The following MYO3A variants were observed in gnomAD, a reference collection of about 807,000 sequenced individuals.
MYO3A encodes myosin IIIA.
A neutral mutation model predicts 192.7 loss-of-function variants in MYO3A; 180 were observed. The observed-to-expected ratio is 0.93, with a 90% confidence interval of 0.83 to 1.06. The LOEUF is 1.06. Ranked by LOEUF, MYO3A falls within the 50% of genes least tolerant of loss-of-function variation. The pLI is 0.00. For synonymous variants in MYO3A, 628 were observed against 645.3 expected, an observed-to-expected ratio of 0.97 and a Z score of 0.41; for missense variants, 1,896 against 1,905.0, an observed-to-expected ratio of 1.00 and a Z score of 0.09.
At chr10:26,097,442 T>C (rs1837112477) in intron 17 of MYO3A, among the ~76,000 whole-genome samples, 1 of 152,152 alleles carries the variant, frequency 6.6e-6, no homozygotes, top group Non-Finnish European at 1.5e-5. Flanking sequence ...AATGTGCAGG[T>C]TTGTTACATA....
intron 17 of MYO3A, among the ~76,000 whole-genome samples, chr10:26,098,487 A>G (rs1159040438): frequency 1.3e-5 from 2 of 152,210 alleles, no homozygotes; most frequent in African/African-American, 4.8e-5. Flanking sequence ...GTCCTTGCCC[A>G]TGCCTATGTC....
chr10:26,159,365 T>C (rs1342559912), intron 26 of MYO3A, among the ~76,000 whole-genome samples: 4 of 49,282 alleles, frequency 8.1e-5, no homozygotes, highest in Non-Finnish European at 1.9e-4. Context: ...TTCTTTTTCT[T>C]TTTTTTTTTT....
At chr10:26,129,971 A>G (rs1277715985) in intron 20 of MYO3A, among the ~76,000 whole-genome samples, 1 of 152,160 alleles carries the variant, frequency 6.6e-6, no homozygotes, top group Admixed American at 6.5e-5. Context: ...TGCTCATGTG[A>G]TGAATTAGTG....
At chr10:26,179,324 A>G (rs1175618968) in intron 31 of MYO3A, among the ~76,000 whole-genome samples, 1 of 150,614 alleles carries the variant, frequency 6.6e-6, no homozygotes. Context: ...GCTGACCTCA[A>G]ACTCCTGACG....
At chr10:26,075,072 G>A (rs1188212186) in intron 14 of MYO3A, among the ~76,000 whole-genome samples, 1 of 151,900 alleles carries the variant, frequency 6.6e-6, no homozygotes, top group African/African-American at 2.4e-5. Flanking sequence ...TTATTTGAGG[G>A]CTTTCATTTC....
intron 20 of MYO3A, among the ~76,000 whole-genome samples, chr10:26,131,164 G>C (rs915816390): frequency 8.5e-5 from 13 of 152,150 alleles, no homozygotes; most frequent in African/African-American, 2.9e-4. Context: ...TTTATTGACA[G>C]TTGTACAACA....
chr10:26,112,049 G>A (rs61840838), intron 17 of MYO3A, among the ~76,000 whole-genome samples: 9,687 of 152,114 alleles, frequency 0.064, 407 homozygotes, highest in Non-Finnish European at 0.086. Flanking sequence ...CTTATATTTG[G>A]CTCAACTACT....
chr10:26,041,710 CTAAT>C (rs1413822882), intron 10 of MYO3A, among the ~76,000 whole-genome samples: 1 of 151,930 alleles, frequency 6.6e-6, no homozygotes, highest in African/African-American at 2.4e-5. Flanking sequence ...AAAATGAAAA[CTAAT>C]TAAACTCTAC....
At chr10:25,948,937 T>C (rs1307449912) in intron 2 of MYO3A, among the ~76,000 whole-genome samples, 1 of 152,158 alleles carries the variant, frequency 6.6e-6, no homozygotes, top group Non-Finnish European at 1.5e-5. Flanking sequence ...ATTGATACAC[T>C]GCTTTAAATA....
intron 31 of MYO3A, among the ~76,000 whole-genome samples, chr10:26,191,414 G>A (rs1018666450): frequency 6.6e-6 from 1 of 152,200 alleles, no homozygotes; most frequent in South Asian, 2.1e-4. Context: ...AAGGGAGAGA[G>A]GGAATGGGAG....
At chr10:25,985,986 C>T (rs1839628712) in intron 4 of MYO3A, among the ~76,000 whole-genome samples, 2 of 152,142 alleles carry the variant, frequency 1.3e-5, no homozygotes, top group Non-Finnish European at 2.9e-5. Flanking sequence ...AATCCAACAG[C>T]ATATCAAAAC....
intron 10 of MYO3A, among the ~76,000 whole-genome samples, chr10:26,063,269 A>G (rs1394963552): frequency 1.3e-5 from 2 of 152,226 alleles, no homozygotes; most frequent in Non-Finnish European, 2.9e-5. Context: ...TTTTATTAAA[A>G]TAAACTTGCA....
At chr10:26,145,405 C>A in intron 21 of MYO3A, 41 bp from the exon 22 acceptor site, 9 of 1,350,176 alleles carry the variant, frequency 6.7e-6, no homozygotes, top group Non-Finnish European at 9.6e-6. Flanking sequence ...TTTTGAGGAT[C>A]TCATACATGC....
chr10:26,182,230 A>G (rs1842648280), intron 31 of MYO3A, among the ~76,000 whole-genome samples: 1 of 152,194 alleles, frequency 6.6e-6, no homozygotes, highest in African/African-American at 2.4e-5. Context: ...AAGAATCTGA[A>G]TAATATTATT....
At chr10:26,117,438 C>A (rs1279617071) in intron 17 of MYO3A, among the ~76,000 whole-genome samples, 1 of 152,048 alleles carries the variant, frequency 6.6e-6, no homozygotes, top group Non-Finnish European at 1.5e-5. Flanking sequence ...AAGCCTGGTA[C>A]CCATTAGTTA....
chr10:26,109,250 G>A (rs963072041), intron 17 of MYO3A, among the ~76,000 whole-genome samples: 4 of 152,200 alleles, frequency 2.6e-5, no homozygotes, highest in African/African-American at 7.2e-5. Flanking sequence ...TGACAAATCA[G>A]ACAGTATCTG....
At chr10:26,016,751 A>G (rs1842005306) in intron 6 of MYO3A, 69 bp from the exon 7 acceptor site, 4 of 1,412,970 alleles carry the variant, frequency 2.8e-6, no homozygotes, top group Non-Finnish European at 4.0e-6. Flanking sequence ...TGCAAAAAAG[A>G]TTATAGCAAT....
At chr10:25,954,593 A>G (rs568641674) in intron 3 of MYO3A, among the ~76,000 whole-genome samples, 1 of 152,254 alleles carries the variant, frequency 6.6e-6, no homozygotes, top group African/African-American at 2.4e-5. Context: ...GTAGCTCTCC[A>G]TAGATGTTTA....
chr10:25,991,198 C>T (rs1172179886), intron 4 of MYO3A, among the ~76,000 whole-genome samples: 7 of 152,096 alleles, frequency 4.6e-5, no homozygotes, highest in African/African-American at 1.2e-4. Context: ...TTTTAATGAT[C>T]GCCATTCTAA....
Sources: gnomAD v4.1 joint callset for allele counts (sites outside exome capture counted in the v4.1 genomes callset) on GRCh38, gnomAD v4.1.1 for gene constraint, MANE v1.5 for transcripts, NCBI Gene and HGNC (gene_info 2026-07-23, HGNC 2026-07-21) for gene names.